Variants in SNX29 observed in about 807,000 individuals in gnomAD.
The protein encoded by SNX29 is sorting nexin 29.
SNX29 carries 78 observed loss-of-function variants against 102.1 expected under a neutral mutation model. The observed-to-expected ratio is 0.76, with a 90% CI of 0.64 to 0.92. The LOEUF (loss-of-function observed/expected upper bound fraction) is 0.92. SNX29 is among the 40% of genes least tolerant of loss of function. SNX29 has a pLI of 0.00. For synonymous variants in SNX29, 580 were observed against 414.5 expected, an observed-to-expected ratio of 1.40 and a Z score of -4.85; for missense variants, 1,280 against 1,061.7, an observed-to-expected ratio of 1.21 and a Z score of -2.86.
At chr16:12,072,194 T>C (rs138321518) in intron 10 of SNX29, among the ~76,000 whole-genome samples, 39,143 of 151,204 alleles carry the variant, frequency 0.26, 5,738 homozygotes, top group African/African-American at 0.41. Flanking sequence ...GCCAAAACTT[T>C]CAACACTATG....
At chr16:12,261,785 G>C (rs1433910299) in intron 14 of SNX29, among the ~76,000 whole-genome samples, 17 of 129,660 alleles carry the variant, frequency 1.3e-4, no homozygotes, top group South Asian at 8.0e-4. Context: ...GTGAGTGTTT[G>C]CTGAGCTCGG....
At chr16:12,538,314 G>A (rs908388432) in intron 20 of SNX29, among the ~76,000 whole-genome samples, 2 of 152,110 alleles carry the variant, frequency 1.3e-5, no homozygotes, top group Non-Finnish European at 2.9e-5. Context: ...TAGAGAGGGG[G>A]TTTCACCATG....
intron 16 of SNX29, among the ~76,000 whole-genome samples, chr16:12,393,564 C>A (rs1291605033): frequency 6.6e-6 from 1 of 152,046 alleles, no homozygotes; most frequent in East Asian, 1.9e-4. Context: ...CCACAGATAA[C>A]CAGCGTGGAG....
rs191204409 is a variant in SNX29 at position 12,565,922 on chromosome 16, G to A, written c.2319-2584G>A. ...GGGGCATCCACCGTGATCCACCACA[G>A]CCATCTGTCCAGTGTCTGCCCTCCC... On this transcript the variant is annotated intron_variant, in intron 20 of 20. Coordinates refer to ENST00000566228, the MANE Select transcript of SNX29 (RefSeq NM_032167.5). Among the ~76,000 whole-genome samples the A allele has an allele frequency of 1.2e-4, 19 of 152,206 alleles. 1 individual carries two copies. Among genetic ancestry groups the A allele is most frequent in the East Asian group, 5.8e-4 (3 of 5,180 alleles).
intron 20 of SNX29, among the ~76,000 whole-genome samples, chr16:12,554,468 T>C (rs1241889996): frequency 1.3e-5 from 2 of 152,260 alleles, no homozygotes; most frequent in Non-Finnish European, 2.9e-5. Flanking sequence ...CCATGGGTCC[T>C]GCACATAGGC....
chr16:12,150,594 A>G (rs2055256481), intron 13 of SNX29, among the ~76,000 whole-genome samples: 1 of 152,240 alleles, frequency 6.6e-6, no homozygotes, highest in South Asian at 2.1e-4. Flanking sequence ...GCCCTGTGGC[A>G]GGTAATTGTG....
chr16:12,269,038 T>A (rs1174628387), intron 14 of SNX29, among the ~76,000 whole-genome samples: 1 of 152,252 alleles, frequency 6.6e-6, no homozygotes, highest in African/African-American at 2.4e-5. Flanking sequence ...ACAGCTTTTC[T>A]GGAACATGAA....
chr16:12,336,945 C>G (rs1448453532), intron 15 of SNX29, among the ~76,000 whole-genome samples: 2 of 152,078 alleles, frequency 1.3e-5, no homozygotes, highest in Non-Finnish European at 2.9e-5. Context: ...GACCCTGTCT[C>G]AAAAACAAAC....
chr16:12,442,794 A>G (rs1363599987), intron 18 of SNX29, among the ~76,000 whole-genome samples: 2 of 151,826 alleles, frequency 1.3e-5, no homozygotes, highest in African/African-American at 4.8e-5. Context: ...AGGTCTCACT[A>G]TGTTGCCCAG....
At chr16:12,264,830 C>G (rs1231967295) in intron 14 of SNX29, among the ~76,000 whole-genome samples, 4 of 152,050 alleles carry the variant, frequency 2.6e-5, no homozygotes, top group African/African-American at 9.7e-5. Flanking sequence ...GATCTATTGC[C>G]CTCCATATCC....
At chr16:12,478,739 C>A (rs1597534257) in intron 19 of SNX29, among the ~76,000 whole-genome samples, 1 of 152,188 alleles carries the variant, frequency 6.6e-6, no homozygotes, top group East Asian at 1.9e-4. Context: ...GCTTTGGATC[C>A]CCTGGGGAGC....
intron 4 of SNX29, among the ~76,000 whole-genome samples, chr16:12,037,023 T>C (rs1006599207): frequency 5.9e-5 from 9 of 152,162 alleles, no homozygotes; most frequent in African/African-American, 1.7e-4. Context: ...TTGGGTGTCT[T>C]TCCGGGTGGG....
At chr16:12,464,229 C>CATGTGTGTGTGTGT (rs1555545096) in intron 18 of SNX29, among the ~76,000 whole-genome samples, 1 of 140,936 alleles carries the variant, frequency 7.1e-6, no homozygotes, top group Non-Finnish European at 1.6e-5. Flanking sequence ...TATTCCATGG[C>CATGTGTGTGTGTGT]GTGTGTGTGT....
At chr16:12,557,779 C>T (rs552283134) in intron 20 of SNX29, 2 of 152,194 alleles carry the variant, frequency 1.3e-5, no homozygotes, top group East Asian at 1.9e-4. Flanking sequence ...TTTTTCAGCT[C>T]CATCACGATC....
chr16:12,108,973 C>CAA (rs1427044626), intron 11 of SNX29, among the ~76,000 whole-genome samples: 1 of 151,456 alleles, frequency 6.6e-6, no homozygotes, highest in Non-Finnish European at 1.5e-5. Flanking sequence ...ACTAAAAATA[C>CAA]AAAAATTAGC....
chr16:12,460,990 C>T (rs2086755305), intron 18 of SNX29, among the ~76,000 whole-genome samples: 1 of 152,156 alleles, frequency 6.6e-6, no homozygotes, highest in South Asian at 2.1e-4. Flanking sequence ...CTAATAATAG[C>T]CGACTTTTGT....
At chr16:12,537,936 G>C (rs1029504737) in intron 20 of SNX29, among the ~76,000 whole-genome samples, 11 of 148,076 alleles carry the variant, frequency 7.4e-5, no homozygotes, top group African/African-American at 2.8e-4. Context: ...AGTGAGCTGA[G>C]ATCGTGCCAC....
intron 20 of SNX29, among the ~76,000 whole-genome samples, chr16:12,559,556 A>G (rs540716321): frequency 7.9e-5 from 12 of 152,014 alleles, no homozygotes; most frequent in African/African-American, 2.2e-4. Flanking sequence ...ATCTGTGGAA[A>G]ATTTTTCTTA....
At chr16:12,538,899 G>GGGGCCATTTGTAC in intron 20 of SNX29, among the ~76,000 whole-genome samples, 1 of 144,148 alleles carries the variant, frequency 6.9e-6, no homozygotes, top group African/African-American at 2.8e-5. Flanking sequence ...ACAGATTAAT[G>GGGGCCATTTGTAC]ACCTGTTCTA....
Sources: gnomAD v4.1 joint callset for allele counts (sites outside exome capture counted in the v4.1 genomes callset) on GRCh38, gnomAD v4.1.1 for gene constraint, MANE v1.5 for transcripts, NCBI Gene and HGNC (gene_info 2026-07-23, HGNC 2026-07-21) for gene names.